CAMKMT: variants seen among roughly 807,000 people sequenced by gnomAD.
CAMKMT encodes the protein CaM KMT.
In CAMKMT, 53 loss-of-function variants were observed where a neutral mutation model predicts 48.0. The observed-to-expected ratio is 1.10, with a 90% CI of 0.89 to 1.39. The LOEUF (loss-of-function observed/expected upper bound fraction) is 1.39. Ranked by LOEUF, CAMKMT falls within the 40% of genes most tolerant of loss-of-function variation. The pLI is 0.00. For missense variants in CAMKMT, 428 were observed against 402.7 expected (o/e 1.06, Z -0.54); for synonymous variants, 165 against 152.3 (o/e 1.08, Z -0.61).
intron 3 of CAMKMT, among the ~76,000 whole-genome samples, chr2:44,508,381 C>G (rs926626040): frequency 6.6e-6 from 1 of 152,126 alleles, no homozygotes; most frequent in African/African-American, 2.4e-5. Flanking sequence ...CCAGTCACAG[C>G]AAGGGAGTGA....
chr2:44,452,883 T>C (rs1667365424), intron 3 of CAMKMT, among the ~76,000 whole-genome samples: 1 of 151,980 alleles, frequency 6.6e-6, no homozygotes, highest in African/African-American at 2.4e-5. Flanking sequence ...GCCTTTGGGG[T>C]TGTGATATCA....
At chr2:44,454,828 AAAG>A (rs779438260) in intron 3 of CAMKMT, among the ~76,000 whole-genome samples, 12 of 152,208 alleles carry the variant, frequency 7.9e-5, no homozygotes, top group Non-Finnish European at 1.5e-4. Flanking sequence ...TCTTGACATG[AAAG>A]AATTGGTACA....
chr2:44,529,067 C>T (rs945187092), intron 3 of CAMKMT, among the ~76,000 whole-genome samples: 1 of 152,034 alleles, frequency 6.6e-6, no homozygotes, highest in Admixed American at 6.6e-5. Flanking sequence ...TATCAATAAC[C>T]TGAGGTATAG....
At chr2:44,551,516 A>G (rs1258236087) in intron 3 of CAMKMT, among the ~76,000 whole-genome samples, 2 of 152,194 alleles carry the variant, frequency 1.3e-5, no homozygotes, top group South Asian at 2.1e-4. Context: ...AAGGTCACCT[A>G]TGATCTGTAT....
chr2:44,615,433 G>T (rs1445797261), intron 3 of CAMKMT, among the ~76,000 whole-genome samples: 1 of 152,166 alleles, frequency 6.6e-6, no homozygotes, highest in Non-Finnish European at 1.5e-5. Context: ...TAGACAGATT[G>T]AGAGAGATTT....
chr2:44,591,733 A>G (rs1670292290), intron 3 of CAMKMT, among the ~76,000 whole-genome samples: 1 of 151,862 alleles, frequency 6.6e-6, no homozygotes, highest in Admixed American at 6.6e-5. Context: ...AAAGGACTAT[A>G]AATCATGCTG....
chr2:44,648,651 C>T (rs1673887708), intron 3 of CAMKMT, among the ~76,000 whole-genome samples: 1 of 152,210 alleles, frequency 6.6e-6, no homozygotes, highest in South Asian at 2.1e-4. Flanking sequence ...TTAACTCCTT[C>T]ACCATCACTT....
At chr2:44,486,484 G>A (rs1669224018) in intron 3 of CAMKMT, among the ~76,000 whole-genome samples, 1 of 152,160 alleles carries the variant, frequency 6.6e-6, no homozygotes, top group Non-Finnish European at 1.5e-5. Flanking sequence ...AGCTTTTTCT[G>A]ATTTGAAAGA....
At chr2:44,522,863 A>G (rs1414771160) in intron 3 of CAMKMT, among the ~76,000 whole-genome samples, 5 of 152,226 alleles carry the variant, frequency 3.3e-5, no homozygotes, top group African/African-American at 1.2e-4. Flanking sequence ...AGAATAAGCC[A>G]GGTAGCACTT....
rs73924792 is a variant in CAMKMT, at chr2:44,506,953, C to T, written c.376+116648C>T. Reference sequence around the variant, plus strand: ...TATGTGACGGAATGGCAAACATACTCTTTAAAACGTTTTAATTCGAAAAGC... The same window carrying T: ...TATGTGACGGAATGGCAAACATACTTTTTAAAACGTTTTAATTCGAAAAGC... On this transcript the variant is annotated intron_variant, in intron 3 of 10. Transcript: ENST00000378494. 2.0e-3 allele frequency among the ~76,000 whole-genome samples: 305 copies of T among 152,252 alleles called. 1 individual carries two copies. The highest frequency in any genetic ancestry group is 6.7e-3 in the African/African-American group (277 of 41,566).
chr2:44,667,846 G>T (rs2104111652), intron 3 of CAMKMT, among the ~76,000 whole-genome samples: 1 of 152,144 alleles, frequency 6.6e-6, no homozygotes, highest in South Asian at 2.1e-4. Context: ...GTTTTTCATT[G>T]CTCATCACTC....
rs575099569 is a variant in CAMKMT, at chr2:44,401,825, T to C, written c.376+11520T>C. 2.0e-5 allele frequency among the ~76,000 whole-genome samples: 3 copies of C among 152,338 alleles called. No individual in the cohort carries two copies. In the East Asian group the frequency reaches 5.8e-4, roughly 29 times the overall value. ...CCTTCTGATGTCTTCCAGTTTGACC[T>C]CTACACCAGCAACAAGCATCTTGAC... On this transcript the variant is annotated intron_variant, in intron 3 of 10. Coordinates refer to ENST00000378494, the MANE Select transcript of CAMKMT (RefSeq NM_024766.5).
intron 3 of CAMKMT, among the ~76,000 whole-genome samples, chr2:44,562,504 T>C (rs371885404): frequency 1.5e-4 from 23 of 152,284 alleles, no homozygotes; most frequent in African/African-American, 5.1e-4. Flanking sequence ...AACCAAGGCT[T>C]AGAGAGGTTG....
chr2:44,673,584 C>T (rs897568880), intron 3 of CAMKMT, among the ~76,000 whole-genome samples: 1 of 152,062 alleles, frequency 6.6e-6, no homozygotes, highest in African/African-American at 2.4e-5. Flanking sequence ...GTGTGACCAG[C>T]TTGCTTATCA....
At position 44,685,023 on chromosome 2, in the gene CAMKMT, A is replaced by G. The variant is rs111783212; in HGVS notation, c.377-19260A>G. On this transcript the variant is annotated intron_variant, in intron 3 of 10. Transcript: ENST00000378494. ...TCTAGGTTTAGAACAATTCGTTGCT[A>G]TTCTCCATGAATACAGCATAACTTC... Among the ~76,000 whole-genome samples, 666 of 152,282 alleles carry G rather than the reference A, an allele frequency of 4.4e-3. 10 individuals are homozygous for G. The highest frequency in any genetic ancestry group is 0.015 in the African/African-American group (625 of 41,566).
intron 3 of CAMKMT, among the ~76,000 whole-genome samples, chr2:44,690,245 G>T (rs1676568513): frequency 6.6e-6 from 1 of 152,246 alleles, no homozygotes. Flanking sequence ...TCATTTGGAA[G>T]TGTACACATA....
chr2:44,736,076 A>C (rs963026093), intron 7 of CAMKMT, among the ~76,000 whole-genome samples: 1 of 152,232 alleles, frequency 6.6e-6, no homozygotes, highest in East Asian at 1.9e-4. Flanking sequence ...TTTAAGTAAT[A>C]AGAAACAGTC....
chr2:44,455,905 A>C (rs1387599401), intron 3 of CAMKMT, among the ~76,000 whole-genome samples: 3 of 152,154 alleles, frequency 2.0e-5, no homozygotes, highest in African/African-American at 7.2e-5. Flanking sequence ...AGGAATCCTA[A>C]CTTTGAAAAA....
At chr2:44,578,703 G>C (rs1233697201) in intron 3 of CAMKMT, among the ~76,000 whole-genome samples, 1 of 152,188 alleles carries the variant, frequency 6.6e-6, no homozygotes, top group Non-Finnish European at 1.5e-5. Context: ...AGTTTGGAAT[G>C]AGGAGATATC....
Sources: allele counts gnomAD v4.1 joint callset (sites outside exome capture counted in the v4.1 genomes callset), GRCh38; gene constraint gnomAD v4.1.1; transcripts MANE v1.5; gene names NCBI Gene and HGNC (gene_info 2026-07-23, HGNC 2026-07-21).